EPHA5: variants seen among roughly 807,000 people sequenced by gnomAD.
EPHA5 encodes ephrin type-A receptor 5.
A neutral mutation model predicts 105.0 loss-of-function variants in EPHA5; 60 were observed. The ratio of observed to expected loss-of-function variants is 0.57; its 90% CI spans 0.46 to 0.71. The LOEUF (loss-of-function observed/expected upper bound fraction) is 0.71. Ranked by LOEUF, EPHA5 falls within the 30% of genes least tolerant of loss-of-function variation. The pLI, the probability that EPHA5 is intolerant of heterozygous loss-of-function variation, is 0.00. For missense variants in EPHA5, 1,218 were observed against 1,274.7 expected, an observed-to-expected ratio of 0.96 and a Z score of 0.68; for synonymous variants, 513 against 449.1, an observed-to-expected ratio of 1.14 and a Z score of -1.80.
chr4:65,495,910 A>C (rs1011645752), intron 3 of EPHA5, among the ~76,000 whole-genome samples: 1 of 152,178 alleles, frequency 6.6e-6, no homozygotes, highest in Non-Finnish European at 1.5e-5. Context: ...TGAAGAAATA[A>C]ATATTATTCC....
chr4:65,327,947 A>C (rs1352549567), intron 16 of EPHA5, among the ~76,000 whole-genome samples: 2 of 151,228 alleles, frequency 1.3e-5, no homozygotes, highest in African/African-American at 2.4e-5. Context: ...TGAAAATAAA[A>C]TATAAGAATG....
chr4:65,461,843 A>G (rs949425481), intron 5 of EPHA5, among the ~76,000 whole-genome samples: 3 of 152,192 alleles, frequency 2.0e-5, no homozygotes, highest in Non-Finnish European at 4.4e-5. Context: ...AAATATAAAA[A>G]GGAGAAAAAT....
intron 3 of EPHA5, among the ~76,000 whole-genome samples, chr4:65,547,302 A>AC (rs1232595332): frequency 6.6e-6 from 1 of 151,224 alleles, no homozygotes; most frequent in African/African-American, 2.4e-5. Flanking sequence ...CAAGTGGAAA[A>AC]AAAAAAAAAA....
At chr4:65,589,169 C>T (rs1046455511) in intron 3 of EPHA5, among the ~76,000 whole-genome samples, 5 of 151,890 alleles carry the variant, frequency 3.3e-5, no homozygotes, top group African/African-American at 1.2e-4. Flanking sequence ...CCACTCAGGG[C>T]CTGGTAATAA....
intron 3 of EPHA5, among the ~76,000 whole-genome samples, chr4:65,522,315 T>TGTATATATATATATATATATATAC (rs1491004446): frequency 3.5e-5 from 3 of 86,448 alleles, no homozygotes; most frequent in African/African-American, 1.2e-4. Context: ...TATATATATA[T>TGTATATATATATATATATATATAC]GTATATATAT....
Position 65,360,650 on chromosome 4 carries a change from A to G in EPHA5, c.2173+4367T>C, listed in dbSNP as rs1471186689. 9.2e-5 allele frequency among the ~76,000 whole-genome samples: 14 copies of G among 151,638 alleles called. No homozygotes were observed. The Admixed American group carries it at 9.2e-4, about 10-fold the overall frequency. ...ATTCTTAATGCAATGTTAATAATTA[A>G]TAGTGGTGTATGCAAGATCTGATTT... is the stretch of plus-strand genomic sequence containing the variant. On this transcript the variant is annotated intron_variant, in intron 11 of 16. Coordinates refer to ENST00000613740, the MANE Select transcript of EPHA5 (RefSeq NM_001281766.3).
At chr4:65,468,067 T>C (rs999904803) in intron 5 of EPHA5, among the ~76,000 whole-genome samples, 2 of 152,170 alleles carry the variant, frequency 1.3e-5, no homozygotes, top group African/African-American at 2.4e-5. Flanking sequence ...ACTTCCAACT[T>C]ACAGAATTTA....
chr4:65,582,554 T>A (rs1237479735), intron 3 of EPHA5, among the ~76,000 whole-genome samples: 5 of 150,890 alleles, frequency 3.3e-5, no homozygotes, highest in African/African-American at 9.7e-5. Context: ...CAAAAAAAAA[T>A]AAACTGAAGT....
chr4:65,545,287 C>G (rs1737264793), intron 3 of EPHA5, among the ~76,000 whole-genome samples: 1 of 151,820 alleles, frequency 6.6e-6, no homozygotes, highest in Non-Finnish European at 1.5e-5. Flanking sequence ...ATAGTCTGGA[C>G]AGAATCACCT....
Position 65,642,548 on chromosome 4 carries a change from C to T in EPHA5, c.246+815G>A, listed in dbSNP as rs188566444. 5.4e-3 allele frequency among the ~76,000 whole-genome samples: 818 copies of T among 151,618 alleles called. 4 individuals are homozygous for T. Among genetic ancestry groups the T allele is most frequent in the Non-Finnish European group, 9.0e-3 (608 of 67,778 alleles). On this transcript the variant is annotated intron_variant, in intron 2 of 16. Transcript: ENST00000613740. ...AACTTTTAACAACTAAAAAGAAATA[C>T]CAAATTGATGAAAAACATAAAAGCC...
rs1186545977 is a variant in EPHA5, at chr4:65,531,085, C to T, written c.911-35542G>A. On this transcript the variant is annotated intron_variant, in intron 3 of 16. Coordinates refer to ENST00000613740, the MANE Select transcript of EPHA5 (RefSeq NM_001281766.3). The stretch of plus-strand genomic sequence containing the variant: ...TCGCTCTGTCGCCCAGGCCGGACTG[C>T]GGACTGCAGTGGCGCAATCTCGGCT... Among the ~76,000 whole-genome samples, 7 of 150,252 alleles carry T rather than the reference C, an allele frequency of 4.7e-5. No homozygotes were observed. In the East Asian group the frequency reaches 1.4e-3, roughly 29 times the overall value.
At chr4:65,579,715 C>T (rs1258933732) in intron 3 of EPHA5, among the ~76,000 whole-genome samples, 3 of 151,806 alleles carry the variant, frequency 2.0e-5, no homozygotes, top group Non-Finnish European at 2.9e-5. Flanking sequence ...TTTTAGAAAG[C>T]GGATCTCCAA....
rs1411484126 is a variant in EPHA5 at position 65,353,047 on chromosome 4, A to G, written c.2230T>C (p.Leu744=). ...AAATTATTCCCCAATCCTACCTTCA[A>G]AAATGTATCTAAAGAGCCATTCTCC... ...YMENGSLDTF[L]KKNDGQFTVI... The change falls in exon 12 of 17, where the codon TTG becomes CTG. Residue 744 remains leucine (L), a synonymous_variant. Transcript: ENST00000613740. The G allele has an allele frequency of 6.5e-7, 1 of 1,548,890 alleles. No individual in the cohort carries two copies. The highest frequency in any genetic ancestry group is 2.5e-5 in the East Asian group (1 of 39,520).
chr4:65,423,704 G>T (rs1292330936), intron 5 of EPHA5, among the ~76,000 whole-genome samples: 7 of 144,022 alleles, frequency 4.9e-5, no homozygotes, highest in Non-Finnish European at 9.0e-5. Flanking sequence ...CTTATCTTCT[G>T]GGACTAAAAG....
At chr4:65,576,755 A>G (rs1010200735) in intron 3 of EPHA5, among the ~76,000 whole-genome samples, 3 of 152,154 alleles carry the variant, frequency 2.0e-5, no homozygotes, top group Non-Finnish European at 2.9e-5. Flanking sequence ...CCTGCTATGG[A>G]TTGTCACTTA....
chr4:65,520,226 C>A (rs569072575), intron 3 of EPHA5, among the ~76,000 whole-genome samples: 1 of 152,110 alleles, frequency 6.6e-6, no homozygotes, highest in South Asian at 2.1e-4. Flanking sequence ...TAATACCACA[C>A]ATCTACAACC....
chr4:65,579,379 T>A (rs1245433578), intron 3 of EPHA5, among the ~76,000 whole-genome samples: 2 of 126,462 alleles, frequency 1.6e-5, no homozygotes, highest in Non-Finnish European at 3.5e-5. Flanking sequence ...TATATATAAA[T>A]ATATATATAT....
Position 65,464,131 on chromosome 4 carries a change from A to C in EPHA5, c.1402+26246T>G, listed in dbSNP as rs534392666. On this transcript the variant is annotated intron_variant, in intron 5 of 16. Coordinates refer to ENST00000613740, the MANE Select transcript of EPHA5 (RefSeq NM_001281766.3). ...AGTACCAGAGTAACATGAAATATAA[A>C]AAGAAACTCCAAGCATGTACAAAAT... is the stretch of plus-strand genomic sequence containing the variant. Among the ~76,000 whole-genome samples, 188 of 151,998 alleles carry C rather than the reference A, an allele frequency of 1.2e-3. 1 individual carries two copies. The highest frequency in any genetic ancestry group is 4.4e-3 in the African/African-American group (184 of 41,538).
At chr4:65,363,407 C>A (rs913202562) in intron 11 of EPHA5, among the ~76,000 whole-genome samples, 1 of 151,502 alleles carries the variant, frequency 6.6e-6, no homozygotes, top group South Asian at 2.1e-4. Context: ...AATTCAATTG[C>A]ATCACTAGAT....
Sources: gnomAD v4.1 joint callset for allele counts (sites outside exome capture counted in the v4.1 genomes callset) on GRCh38, gnomAD v4.1.1 for gene constraint, MANE v1.5 for transcripts, NCBI Gene and HGNC (gene_info 2026-07-23, HGNC 2026-07-21) for gene names.